The following PANK2 variants were observed in gnomAD, a reference collection of about 807,000 sequenced individuals.
The protein encoded by PANK2 is pantothenate kinase 2.
PANK2 carries 36 observed loss-of-function variants against 43.1 expected under a neutral mutation model. The ratio of observed to expected loss-of-function variants is 0.84; its 90% CI spans 0.64 to 1.10. The LOEUF (loss-of-function observed/expected upper bound fraction) is 1.10, where lower values mean the gene tolerates loss of function less well. PANK2 is among the 50% of genes least tolerant of loss of function. The pLI, the probability that PANK2 is intolerant of heterozygous loss-of-function variation, is 0.00. For synonymous variants in PANK2, 281 were observed against 238.2 expected (o/e 1.18, Z -1.66); for missense variants, 576 against 593.3 (o/e 0.97, Z 0.30).
In PANK2 at chr20:3,929,378, A is replaced by AACAAG. The variant is rs1356291901; in HGVS notation, c.*6087_*6091dup. ...GGTGCCACTGCACTCCAGTCTGGGT[A>AACAAG]ACAAGACCCTGTCTCAACAACAACG... is the stretch of plus-strand genomic sequence containing the variant. On this transcript the variant is annotated 3_prime_UTR_variant, in exon 7 of 7. Transcript: ENST00000610179. The AACAAG allele has an allele frequency of 1.3e-5, 2 of 152,382 alleles. No individual in the cohort carries two copies. The highest frequency in any genetic ancestry group is 2.9e-5 in the Non-Finnish European group (2 of 68,146). The allele number at this position is 152,382 out of a possible 1,614,324, so 9.4% of individuals were successfully genotyped here. A position where few individuals can be genotyped will look rare whatever the true frequency, so the allele number is the denominator to read the frequency against.
At chr20:3,915,295 A>G (rs1259616534) in intron 4 of PANK2, among the ~76,000 whole-genome samples, 1 of 151,012 alleles carries the variant, frequency 6.6e-6, no homozygotes, top group Admixed American at 6.6e-5. Context: ...GTGTGTGTGT[A>G]TTTTTTTCTT....
At chr20:3,896,250 T>TTTTTTTTG (rs1164849334) in intron 1 of PANK2, among the ~76,000 whole-genome samples, 31 of 110,604 alleles carry the variant, frequency 2.8e-4, no homozygotes, top group African/African-American at 9.5e-4. Context: ...TTTTTTTTTT[T>TTTTTTTTG]TGTATTTTTA....
At chr20:3,895,543 T>TA (rs1314315723) in intron 1 of PANK2, among the ~76,000 whole-genome samples, 6 of 147,724 alleles carry the variant, frequency 4.1e-5, no homozygotes, top group Non-Finnish European at 8.9e-5. Flanking sequence ...AGGAGGAAGA[T>TA]AGACTAGGCT....
At chr20:3,915,183 G>A (rs2090538019) in intron 4 of PANK2, among the ~76,000 whole-genome samples, 1 of 152,158 alleles carries the variant, frequency 6.6e-6, no homozygotes. Context: ...GGTGTTATGT[G>A]TAAGAAATCT....
chr20:3,900,312 G>A (rs944756371), intron 1 of PANK2, among the ~76,000 whole-genome samples: 1 of 151,788 alleles, frequency 6.6e-6, no homozygotes, highest in Non-Finnish European at 1.5e-5. Context: ...AGGAAGGGGC[G>A]TGATTGTCTG....
chr20:3,904,536 C>T (rs2090355042), intron 1 of PANK2, among the ~76,000 whole-genome samples: 2 of 150,626 alleles, frequency 1.3e-5, no homozygotes, highest in Non-Finnish European at 2.9e-5. Flanking sequence ...TGTGATTGCA[C>T]TCCAGCCTGG....
At chr20:3,916,781 C>T (rs1270817235) in intron 4 of PANK2, 146 bp from the exon 5 acceptor site, 2 of 1,179,460 alleles carry the variant, frequency 1.7e-6, no homozygotes, top group Non-Finnish European at 2.4e-6. Flanking sequence ...TCTCTTTGAA[C>T]AGATGCTCCA....
Position 3,917,061 on chromosome 20 carries a change from A to G in PANK2, c.1206+11A>G, listed in dbSNP as rs750451230. On this transcript the variant is annotated intron_variant, in intron 5 of 6. Transcript: ENST00000610179. Reference sequence around the variant, plus strand: ...TGTGCCCTTAATGAAGTAAGGGGACATGGATTTCTTTAATTGCTCTAAGGA... The same window carrying G: ...TGTGCCCTTAATGAAGTAAGGGGACGTGGATTTCTTTAATTGCTCTAAGGA... 6.2e-7 allele frequency: 1 copy of G among 1,613,944 alleles called. No individual in the cohort carries two copies. Among genetic ancestry groups the G allele is most frequent in the Non-Finnish European group, 8.5e-7 (1 of 1,179,940 alleles).
At chr20:3,911,532 C>T (rs866171739) in intron 3 of PANK2, among the ~76,000 whole-genome samples, 1 of 150,034 alleles carries the variant, frequency 6.7e-6, no homozygotes, top group African/African-American at 2.5e-5. Context: ...TGCAGTAAGC[C>T]GAGATTATGC....
intron 3 of PANK2, among the ~76,000 whole-genome samples, chr20:3,911,215 GATGTATTCT>G (rs1847351629): frequency 6.6e-6 from 1 of 152,210 alleles, no homozygotes; most frequent in Non-Finnish European, 1.5e-5. Context: ...GTAGAATAAT[GATGTATTCT>G]ATGTATGTGA....
At position 3,920,712 on chromosome 20, in the gene PANK2, G is replaced by A. The variant is rs555667899; in HGVS notation, c.1332+1916G>A. 2.0e-5 allele frequency among the ~76,000 whole-genome samples: 3 copies of A among 151,920 alleles called. No homozygotes were observed. The South Asian group carries it at 6.2e-4, about 32-fold the overall frequency. On this transcript the variant is annotated intron_variant, in intron 6 of 6. Transcript: ENST00000610179. ...ATACAAAAATTAGCTGGACGTGGTG[G>A]CACATACCTGTAATCCCAGCTACTT...
chr20:3,910,870 C>T lies in PANK2; in HGVS notation c.905+40C>T, dbSNP rs773345293. 9 of 1,612,010 alleles carry T rather than the reference C, an allele frequency of 5.6e-6. No individual in the cohort carries two copies. The East Asian group carries it at 1.6e-4, about 28-fold the overall frequency. On this transcript the variant is annotated intron_variant, in intron 3 of 6. Transcript: ENST00000610179. ...AAACTCACTGTTTATTCTTAGTATC[C>T]TAACGGGCTGAGTTTTCAGGTATTA...
intron 1 of PANK2, among the ~76,000 whole-genome samples, chr20:3,896,286 G>A (rs1036499779): frequency 7.0e-6 from 1 of 141,880 alleles, no homozygotes; most frequent in African/African-American, 2.6e-5. Flanking sequence ...CACCATGTTA[G>A]CCAGGATGGT....
At chr20:3,922,391 C>G (rs1486922649) in intron 6 of PANK2, among the ~76,000 whole-genome samples, 2 of 152,212 alleles carry the variant, frequency 1.3e-5, no homozygotes, top group East Asian at 3.8e-4. Flanking sequence ...CTTCTGGAGA[C>G]AGTACAGTGC....
intron 1 of PANK2, chr20:3,901,699 A>G (rs1399924247): frequency 7.3e-6 from 5 of 689,188 alleles, no homozygotes; most frequent in Non-Finnish European, 8.9e-6. Flanking sequence ...GATTAAAAAA[A>G]AGTTTCTTAA....
rs1283087489 is a variant in PANK2, at chr20:3,890,027, A to G, written c.298+299A>G. ...TGGGCATTCTCTTCCTGAGGGTCAC[A>G]TGATTTTATCCTCGAGAAGGCTTCT... On this transcript the variant is annotated intron_variant, in intron 1 of 6. Transcript: ENST00000610179. The G allele has an allele frequency of 6.8e-6, 7 of 1,027,230 alleles. No homozygotes were observed. In the East Asian group the frequency reaches 1.2e-4, roughly 18 times the overall value. The allele number at this position is 1,027,230 out of a possible 1,614,324, so 63.6% of individuals were successfully genotyped here.
upstream of PANK2, chr20:3,889,381 G>C (rs71647827): frequency 1.4e-3 from 2,175 of 1,575,088 alleles, 44 homozygotes; most frequent in East Asian, 0.041. Context: ...CCGAGGGCGC[G>C]CCTCTGCTCT....
At chr20:3,902,022 G>A (rs1202365481) in intron 1 of PANK2, among the ~76,000 whole-genome samples, 1 of 151,916 alleles carries the variant, frequency 6.6e-6, no homozygotes, top group Non-Finnish European at 1.5e-5. Context: ...TGTCTAAGTT[G>A]TCTTCCCCTT....
At chr20:3,899,484 T>C (rs1415963763) in intron 1 of PANK2, among the ~76,000 whole-genome samples, 2 of 151,660 alleles carry the variant, frequency 1.3e-5, no homozygotes, top group African/African-American at 2.4e-5. Context: ...TTTTTTTTTT[T>C]TCCCCAGAGT....
Sources: gnomAD v4.1 joint callset for allele counts (sites outside exome capture counted in the v4.1 genomes callset) on GRCh38, gnomAD v4.1.1 for gene constraint, MANE v1.5 for transcripts, NCBI Gene and HGNC (gene_info 2026-07-23, HGNC 2026-07-21) for gene names.